The following EYA2 variants were observed in gnomAD, a reference collection of about 807,000 sequenced individuals.
The protein encoded by EYA2 is protein phosphatase EYA2.
In EYA2, 31 loss-of-function variants were observed where a neutral mutation model predicts 69.2. The observed-to-expected ratio is 0.45, with a 90% CI of 0.34 to 0.60. The LOEUF (loss-of-function observed/expected upper bound fraction) is 0.60, where lower values mean the gene tolerates loss of function less well. EYA2 is among the 20% of genes least tolerant of loss of function. The probability of loss-of-function intolerance (pLI) is 0.02; values close to 1 mark genes in which losing one functional copy is unlikely to be tolerated. For missense variants in EYA2, 622 were observed against 701.2 expected (o/e 0.89, Z 1.28); for synonymous variants, 257 against 279.4 (o/e 0.92, Z 0.80).
chr20:47,056,168 G>A (rs1013749843), intron 5 of EYA2, among the ~76,000 whole-genome samples: 24 of 152,182 alleles, frequency 1.6e-4, no homozygotes, highest in African/African-American at 4.8e-4. Flanking sequence ...TAGACTCCAC[G>A]TGGAGCAAAG....
chr20:47,057,716 G>C (rs1211892323), intron 5 of EYA2, among the ~76,000 whole-genome samples: 1 of 152,200 alleles, frequency 6.6e-6, no homozygotes, highest in African/African-American at 2.4e-5. Context: ...CTGTTCACTG[G>C]GATTACCCAT....
Position 46,954,002 on chromosome 20 carries a change from T to A in EYA2, c.-10-35999T>A, listed in dbSNP as rs377227771. Among the ~76,000 whole-genome samples, 17 of 152,162 alleles carry A rather than the reference T, an allele frequency of 1.1e-4. No homozygotes were observed. In the South Asian group the frequency reaches 3.5e-3, roughly 32 times the overall value. On this transcript the variant is annotated intron_variant, in intron 1 of 15. Transcript: ENST00000327619. The stretch of plus-strand genomic sequence containing the variant: ...ATGTTCTTCTCTCCCTGTGACCCTT[T>A]CTCATCATGTTCCAACCACACGATT...
At position 47,025,889 on chromosome 20, in the gene EYA2, G is replaced by A. The variant is rs553328003; in HGVS notation, c.415+9592G>A. ...GATGCGTGAAGAAATGGTGTCTCAG[G>A]GCAGTAGTAATTTCTAAGTCTTGTC... On this transcript the variant is annotated intron_variant, in intron 5 of 15. Transcript: ENST00000327619. Among the ~76,000 whole-genome samples the A allele has an allele frequency of 2.0e-5, 3 of 152,256 alleles. No homozygotes were observed. The East Asian group carries it at 5.8e-4, about 29-fold the overall frequency.
intron 7 of EYA2, among the ~76,000 whole-genome samples, chr20:47,085,538 C>T (rs2031867899): frequency 6.6e-6 from 1 of 151,766 alleles, no homozygotes; most frequent in Non-Finnish European, 1.5e-5. Flanking sequence ...CCCAGCTACT[C>T]AGGAGGCCAA....
At chr20:46,985,002 CAG>C (rs1473070647) in intron 1 of EYA2, among the ~76,000 whole-genome samples, 2 of 152,156 alleles carry the variant, frequency 1.3e-5, no homozygotes, top group African/African-American at 4.8e-5. Context: ...GCCTTCTAAA[CAG>C]AGTGAGATAT....
At chr20:47,111,498 A>G (rs1194402631) in intron 9 of EYA2, among the ~76,000 whole-genome samples, 1 of 152,200 alleles carries the variant, frequency 6.6e-6, no homozygotes, top group South Asian at 2.1e-4. Context: ...TCTCTGCTCC[A>G]TGGGGTCTCT....
At position 47,172,650 on chromosome 20, in the gene EYA2, G is replaced by T. The variant is rs1301488340; in HGVS notation, c.1038-57G>T. 4 of 1,527,256 alleles carry T rather than the reference G, an allele frequency of 2.6e-6. No individual in the cohort carries two copies. The East Asian group carries it at 9.2e-5, about 35-fold the overall frequency. 94.6% of individuals were successfully genotyped at this position (1,527,256 alleles called of 1,614,324 possible). ...TCCCACAGAGCCTGTGGTCTCCCAG[G>T]GAAGATGCCCTGCACCCCCCTGCAC... On this transcript the variant is annotated intron_variant, in intron 11 of 15. Transcript: ENST00000327619.
Position 47,097,126 on chromosome 20 carries a change from T to C in EYA2, c.846T>C (p.Phe282=). 6.2e-7 allele frequency: 1 copy of C among 1,611,856 alleles called. No individual in the cohort carries two copies. Among genetic ancestry groups the C allele is most frequent in the East Asian group, 2.2e-5 (1 of 44,752 alleles). ...ACTTGGATGAGACAATAATTATTTT[T>C]CACTCCTTACTCACGGGGACATTTG... ...VWDLDETIII[F]HSLLTGTFAS... is the part of the protein sequence containing the mutation. The change falls in exon 9 of 16, where the codon TTT becomes TTC. Residue 282 remains phenylalanine (F), a synonymous_variant. Transcript: ENST00000327619.
chr20:47,148,058 C>CAAAAAGA (rs2033743075), intron 10 of EYA2, among the ~76,000 whole-genome samples: 2 of 82,838 alleles, frequency 2.4e-5, no homozygotes, highest in Admixed American at 1.3e-4. Flanking sequence ...GACTCTGTCT[C>CAAAAAGA]AAAAAAAAAA....
intron 1 of EYA2, among the ~76,000 whole-genome samples, chr20:46,909,276 C>CT (rs1267741802): frequency 6.6e-6 from 1 of 152,028 alleles, no homozygotes; most frequent in East Asian, 1.9e-4. Flanking sequence ...TTTCCAATGG[C>CT]TACAGACAAA....
chr20:47,097,441 G>A (rs2032284345), intron 9 of EYA2, among the ~76,000 whole-genome samples: 1 of 152,214 alleles, frequency 6.6e-6, no homozygotes, highest in Admixed American at 6.5e-5. Flanking sequence ...GTTGTCTTCA[G>A]CCGTCTCCCT....
At chr20:47,059,326 A>G (rs2030773928) in intron 5 of EYA2, among the ~76,000 whole-genome samples, 1 of 152,194 alleles carries the variant, frequency 6.6e-6, no homozygotes, top group East Asian at 1.9e-4. Context: ...CTTTATTTTC[A>G]GCATGTCAAT....
At chr20:46,919,560 A>G (rs2146235812) in intron 1 of EYA2, among the ~76,000 whole-genome samples, 1 of 152,346 alleles carries the variant, frequency 6.6e-6, no homozygotes, top group South Asian at 2.1e-4. Flanking sequence ...CATAGAATTG[A>G]AGAGAGTTAG....
intron 1 of EYA2, among the ~76,000 whole-genome samples, chr20:46,948,066 A>G (rs1053955826): frequency 6.7e-6 from 1 of 149,132 alleles, no homozygotes; most frequent in Non-Finnish European, 1.5e-5. Context: ...ATGGTGAGCT[A>G]TGATCTGCAC....
intron 5 of EYA2, among the ~76,000 whole-genome samples, chr20:47,024,665 C>T (rs1983976003): frequency 6.6e-6 from 1 of 152,210 alleles, no homozygotes. Flanking sequence ...TCAGAGAGAC[C>T]ACGGGCCTCC....
At chr20:47,164,023 A>T (rs749141289) in intron 10 of EYA2, among the ~76,000 whole-genome samples, 1 of 151,900 alleles carries the variant, frequency 6.6e-6, no homozygotes, top group Non-Finnish European at 1.5e-5. Context: ...ACCCCAAGAT[A>T]CTCATACTTT....
chr20:47,001,687 C>A (rs763325314), intron 3 of EYA2, among the ~76,000 whole-genome samples: 2 of 152,118 alleles, frequency 1.3e-5, no homozygotes, highest in African/African-American at 4.8e-5. Flanking sequence ...TGCCTGCCCC[C>A]ACGAAACCAG....
At chr20:46,915,660 A>G (rs755123383) in intron 1 of EYA2, among the ~76,000 whole-genome samples, 4 of 152,154 alleles carry the variant, frequency 2.6e-5, no homozygotes, top group Non-Finnish European at 5.9e-5. Flanking sequence ...GATTTGAATG[A>G]GTTGCCGGCA....
intron 1 of EYA2, among the ~76,000 whole-genome samples, chr20:46,939,784 C>T (rs6063038): frequency 0.31 from 46,879 of 152,052 alleles, 8,864 homozygotes; most frequent in Non-Finnish European, 0.42. Context: ...CCTTCCATAA[C>T]GGGTTTGCTC....
Sources: allele counts gnomAD v4.1 joint callset (sites outside exome capture counted in the v4.1 genomes callset), GRCh38; gene constraint gnomAD v4.1.1; transcripts MANE v1.5; gene names NCBI Gene and HGNC (gene_info 2026-07-23, HGNC 2026-07-21).